The following ZRANB3 variants were observed in gnomAD, a reference collection of about 807,000 sequenced individuals.
ZRANB3 encodes zinc finger RANBP2-type containing 3.
In ZRANB3, 125 loss-of-function variants were observed where a neutral mutation model predicts 133.8. The ratio of observed to expected loss-of-function variants is 0.93; its 90% CI spans 0.81 to 1.08. The LOEUF (loss-of-function observed/expected upper bound fraction) is 1.08. ZRANB3 is among the 50% of genes least tolerant of loss of function. The pLI, the probability that ZRANB3 is intolerant of heterozygous loss-of-function variation, is 0.00. For synonymous variants in ZRANB3, 387 were observed against 432.7 expected (o/e 0.89, Z 1.31); for missense variants, 1,229 against 1,275.5 (o/e 0.96, Z 0.56).
At chr2:135,451,310 G>A (rs1249850208) in intron 2 of ZRANB3, among the ~76,000 whole-genome samples, 6 of 151,692 alleles carry the variant, frequency 4.0e-5, no homozygotes, top group South Asian at 4.2e-4. Context: ...GCCTGTAATC[G>A]CAGCACTTTC....
chr2:135,503,823 C>G (rs546508013), intron 2 of ZRANB3, among the ~76,000 whole-genome samples: 5 of 151,838 alleles, frequency 3.3e-5, no homozygotes, highest in African/African-American at 1.2e-4. Flanking sequence ...ACAAAAATTA[C>G]CCGGGTGTGG....
chr2:135,406,978 C>G (rs374886058), intron 2 of ZRANB3, among the ~76,000 whole-genome samples: 107 of 152,200 alleles, frequency 7.0e-4, no homozygotes, highest in South Asian at 4.2e-3. Context: ...CCAGGGCAAT[C>G]AGGCAGGAGA....
rs146723275 is a variant in ZRANB3 at position 135,246,618 on chromosome 2, A to G, written c.1540-15691T>C. Among the ~76,000 whole-genome samples the G allele has an allele frequency of 3.0e-3, 451 of 152,340 alleles. 3 individuals carry two copies. The highest frequency in any genetic ancestry group is 0.01 in the African/African-American group (421 of 41,586). Reference sequence around the variant, plus strand: ...AGTAATTTTTATCACAAAGCTTATGAGAAAAATATAATTATAACAACACGC... The same window carrying G: ...AGTAATTTTTATCACAAAGCTTATGGGAAAAATATAATTATAACAACACGC... On this transcript the variant is annotated intron_variant, in intron 12 of 20. Transcript: ENST00000264159.
chr2:135,288,752 T>C (rs556776736), intron 8 of ZRANB3, among the ~76,000 whole-genome samples: 10 of 152,218 alleles, frequency 6.6e-5, no homozygotes, highest in African/African-American at 2.2e-4. Context: ...GGTTGTAGTA[T>C]CTCCTTTTTC....
At chr2:135,420,154 C>A (rs931308672) in intron 2 of ZRANB3, among the ~76,000 whole-genome samples, 1 of 140,378 alleles carries the variant, frequency 7.1e-6, no homozygotes, top group Non-Finnish European at 1.5e-5. Context: ...TAGAAGGCTA[C>A]ACAACAAATT....
At chr2:135,283,614 T>TAAA (rs58462815) in intron 8 of ZRANB3, among the ~76,000 whole-genome samples, 2 of 123,612 alleles carry the variant, frequency 1.6e-5, no homozygotes, top group African/African-American at 2.8e-5. Context: ...AGACTCTGTC[T>TAAA]AAAAAAAAAA....
Position 135,426,555 on chromosome 2 carries a change from C to T in ZRANB3, c.162-35735G>A, listed in dbSNP as rs893084323. On this transcript the variant is annotated intron_variant, in intron 2 of 20. Coordinates refer to ENST00000264159, the MANE Select transcript of ZRANB3 (RefSeq NM_032143.4). ...GTTCAATATATGCAAATTGGCCGGG[C>T]ACGGTGGCTCATGCCTGTAATCCCA... Among the ~76,000 whole-genome samples the T allele has an allele frequency of 3.3e-5, 5 of 151,792 alleles. 1 individual carries two copies. Among genetic ancestry groups the T allele is most frequent in the African/African-American group, 7.3e-5 (3 of 41,346 alleles).
intron 3 of ZRANB3, among the ~76,000 whole-genome samples, chr2:135,368,215 A>ACCAT (rs1553480062): frequency 6.6e-6 from 1 of 152,034 alleles, no homozygotes; most frequent in Non-Finnish European, 1.5e-5. Flanking sequence ...AATGCAATAC[A>ACCAT]TAATGAACTT....
chr2:135,464,954 T>TA (rs1223420209), intron 2 of ZRANB3, among the ~76,000 whole-genome samples: 1 of 152,138 alleles, frequency 6.6e-6, no homozygotes, highest in East Asian at 1.9e-4. Flanking sequence ...CAGGATGAAC[T>TA]AAAAAATAGC....
intron 1 of ZRANB3, among the ~76,000 whole-genome samples, chr2:135,516,007 G>A (rs1693681721): frequency 6.6e-6 from 1 of 152,048 alleles, no homozygotes; most frequent in Non-Finnish European, 1.5e-5. Context: ...TCTTCTTGTT[G>A]TACTGATCCC....
intron 15 of ZRANB3, among the ~76,000 whole-genome samples, chr2:135,222,881 C>T (rs934118397): frequency 8.7e-5 from 13 of 150,066 alleles, no homozygotes; most frequent in East Asian, 2.0e-4. Context: ...GAGGCTGAGG[C>T]GGGCGGACTG....
chr2:135,315,241 T>G, intron 7 of ZRANB3, 118 bp downstream of exon 7: 1 of 1,020,794 alleles, frequency 9.8e-7, no homozygotes, highest in South Asian at 4.2e-5. Flanking sequence ...CTCTATTAAT[T>G]AAACCTATTT....
At position 135,519,549 on chromosome 2, in the gene ZRANB3, T is replaced by A. The variant is rs138188750; in HGVS notation, c.-8+11578A>T. The stretch of plus-strand genomic sequence containing the variant: ...TATATTTGGGTCTTTCATCCCTTTT[T>A]ATCACACGAATGCTCCATCTCTACT... On this transcript the variant is annotated intron_variant, in intron 1 of 20. Transcript: ENST00000264159. 5.9e-5 allele frequency among the ~76,000 whole-genome samples: 9 copies of A among 152,284 alleles called. No homozygotes were observed. The East Asian group carries it at 1.7e-3, about 29-fold the overall frequency.
At chr2:135,290,989 G>A (rs1165818927) in intron 8 of ZRANB3, among the ~76,000 whole-genome samples, 1 of 152,024 alleles carries the variant, frequency 6.6e-6, no homozygotes, top group African/African-American at 2.4e-5. Flanking sequence ...TGCAACCTCT[G>A]CCTCCCAGAG....
chr2:135,268,865 T>A, intron 11 of ZRANB3, 97 bp downstream of exon 11: 1 of 1,172,116 alleles, frequency 8.5e-7, no homozygotes, highest in Admixed American at 2.4e-5. Context: ...TGCTTAAGTA[T>A]CCTTTGCCTG....
At chr2:135,227,196 GC>G (rs1336928382) in intron 14 of ZRANB3, among the ~76,000 whole-genome samples, 1 of 152,126 alleles carries the variant, frequency 6.6e-6, no homozygotes, top group Non-Finnish European at 1.5e-5. Flanking sequence ...TTGCCAGCTA[GC>G]CCATAAACGA....
In ZRANB3 at chr2:135,390,869, C is replaced by A. The variant is rs1203225346; in HGVS notation, c.162-49G>T. The A allele has an allele frequency of 2.6e-6, 3 of 1,164,588 alleles. No homozygotes were observed. The Admixed American group carries it at 9.2e-5, about 36-fold the overall frequency. 72.1% of individuals were successfully genotyped at this position (1,164,588 alleles called of 1,614,324 possible). A position where few individuals can be genotyped will look rare whatever the true frequency, so the allele number is the denominator to read the frequency against. On this transcript the variant is annotated intron_variant, in intron 2 of 20. Coordinates refer to ENST00000264159, the MANE Select transcript of ZRANB3 (RefSeq NM_032143.4). ...TTAATTATCAGAGTGAACCTTTTTC[C>A]TTTTTTTTTTGAGATGGAGTCTCGC...
chr2:135,224,319 T>C, intron 15 of ZRANB3, 107 bp downstream of exon 15: 1 of 860,554 alleles, frequency 1.2e-6, no homozygotes, highest in Non-Finnish European at 1.7e-6. Context: ...TTGAGGAAAA[T>C]AACTAGATGC....
At chr2:135,405,982 G>A (rs1481401329) in intron 2 of ZRANB3, among the ~76,000 whole-genome samples, 1 of 152,120 alleles carries the variant, frequency 6.6e-6, no homozygotes, top group African/African-American at 2.4e-5. Flanking sequence ...GAGTAGAACT[G>A]AAGGACATAG....
Sources: gnomAD v4.1 joint callset for allele counts (sites outside exome capture counted in the v4.1 genomes callset) on GRCh38, gnomAD v4.1.1 for gene constraint, MANE v1.5 for transcripts, NCBI Gene and HGNC (gene_info 2026-07-23, HGNC 2026-07-21) for gene names.